The following PRDM16 variants were observed in gnomAD, a reference collection of about 807,000 sequenced individuals.
PRDM16 encodes the protein histone-lysine N-methyltransferase PRDM16.
PRDM16 carries 23 observed loss-of-function variants against 110.6 expected under a neutral mutation model. The ratio of observed to expected loss-of-function variants is 0.21; its 90% CI spans 0.15 to 0.29. PRDM16 has a LOEUF of 0.29. Among genes scored for constraint, PRDM16 ranks in the 10% least tolerant of loss-of-function variants. The probability of loss-of-function intolerance (pLI) is 1.00; values close to 1 mark genes in which losing one functional copy is unlikely to be tolerated. For missense variants in PRDM16, 1,615 were observed against 1,794.3 expected (o/e 0.90, Z 1.81); for synonymous variants, 799 against 781.8 (o/e 1.02, Z -0.37).
chr1:3,278,657 G>A (rs188904889), intron 3 of PRDM16, among the ~76,000 whole-genome samples: 11 of 152,306 alleles, frequency 7.2e-5, no homozygotes, highest in Non-Finnish European at 8.8e-5. Flanking sequence ...CCACAAGGCC[G>A]CCCTCTCTGG....
At chr1:3,392,620 T>G (rs750982121) in intron 4 of PRDM16, among the ~76,000 whole-genome samples, 15 of 152,230 alleles carry the variant, frequency 9.9e-5, no homozygotes, top group Non-Finnish European at 2.2e-4. Context: ...GTGAATTGAT[T>G]TGATATTTTA....
chr1:3,319,209 G>C (rs1047481148), intron 3 of PRDM16, among the ~76,000 whole-genome samples: 1 of 152,210 alleles, frequency 6.6e-6, no homozygotes, highest in African/African-American at 2.4e-5. Context: ...TGCCCGGCAG[G>C]GATGGGGAGC....
Position 3,293,860 on chromosome 1 carries a change from C to T in PRDM16, c.438+49723C>T, listed in dbSNP as rs149528009. 3.2e-4 allele frequency among the ~76,000 whole-genome samples: 48 copies of T among 152,314 alleles called. No homozygotes were observed. The East Asian group carries it at 7.7e-3, about 24-fold the overall frequency. On this transcript the variant is annotated intron_variant, in intron 3 of 16. Coordinates refer to ENST00000270722, the MANE Select transcript of PRDM16 (RefSeq NM_022114.4). ...CCCTTGGAGAGGCGATGGCGTGGCC[C>T]GGCCCCGGCAGGTGTCTGAGGGCCT...
At position 3,300,225 on chromosome 1, in the gene PRDM16, C is replaced by T. The variant is rs192015558; in HGVS notation, c.438+56088C>T. Among the ~76,000 whole-genome samples the T allele has an allele frequency of 5.9e-3, 518 of 87,338 alleles. 136 individuals carry two copies. Among genetic ancestry groups the T allele is most frequent in the Admixed American group, 0.013 (81 of 6,352 alleles). The allele number at this position is 87,338 out of a possible 152,430, so 57.3% of individuals were successfully genotyped here. On this transcript the variant is annotated intron_variant, in intron 3 of 16. Transcript: ENST00000270722. ...TGCTATGCTGTGGCAGTGATGTTTC[C>T]GATCCCAGTCGTGGTGGCTCTGCCC...
Position 3,359,911 on chromosome 1 carries a change from G to T in PRDM16, c.439-25241G>T, listed in dbSNP as rs1310188216. ...CTTGGAAGACGGATGCCGTGTGCAC[G>T]CAAAGACGGCAGCCAGCTCCTCACA... On this transcript the variant is annotated intron_variant, in intron 3 of 16. Transcript: ENST00000270722. The surrounding 1 kb of genome is among the most constrained non-coding windows in gnomAD (Gnocchi z 4.3). Among the ~76,000 whole-genome samples the T allele has an allele frequency of 6.6e-6, 1 of 152,214 alleles. No homozygotes were observed. Among genetic ancestry groups the T allele is most frequent in the African/African-American group, 2.4e-5 (1 of 41,462 alleles).
At chr1:3,132,496 G>A (rs1219957577) in intron 1 of PRDM16, among the ~76,000 whole-genome samples, 1 of 152,164 alleles carries the variant, frequency 6.6e-6, no homozygotes, top group Non-Finnish European at 1.5e-5. Context: ...TCTCACCATG[G>A]GCAGTTCCTC....
chr1:3,134,684 G>A lies in PRDM16; in HGVS notation c.38-51441G>A, dbSNP rs943289570. Among the ~76,000 whole-genome samples the A allele has an allele frequency of 3.3e-5, 5 of 152,266 alleles. No homozygotes were observed. The East Asian group carries it at 7.7e-4, about 23-fold the overall frequency. On this transcript the variant is annotated intron_variant, in intron 1 of 16. Transcript: ENST00000270722. ...TAATTGGTCCAGAAAAGTCAACATC[G>A]GCACCTAGAGTGTTCAGAAAGTGAA... is the stretch of plus-strand genomic sequence containing the variant.
At chr1:3,078,093 T>C (rs1641939948) in intron 1 of PRDM16, among the ~76,000 whole-genome samples, 1 of 152,154 alleles carries the variant, frequency 6.6e-6, no homozygotes, top group Admixed American at 6.5e-5. Flanking sequence ...CTTTTTTTCT[T>C]ATCAGAGGCC....
Position 3,434,501 on chromosome 1 carries a change from C to T in PRDM16, c.*690C>T. The T allele has an allele frequency of 4.3e-6, 1 of 231,628 alleles. No individual in the cohort carries two copies. The highest frequency in any genetic ancestry group is 6.1e-5 in the East Asian group (1 of 16,396). The allele number at this position is 231,628 out of a possible 1,614,324, so 14.3% of individuals were successfully genotyped here. On this transcript the variant is annotated 3_prime_UTR_variant, in exon 17 of 17. Coordinates refer to ENST00000270722, the MANE Select transcript of PRDM16 (RefSeq NM_022114.4). ...CCTATTTGTATAAGCCAAGGTGATG[C>T]TGGGTGCCCCGAGGCAGAACAAGAG...
At position 3,417,891 on chromosome 1, in the gene PRDM16, G is replaced by T. The variant is rs375126788; in HGVS notation, c.2755G>T (p.Gly919Cys). 39 of 1,613,600 alleles carry T rather than the reference G, an allele frequency of 2.4e-5. No homozygotes were observed. The highest frequency in any genetic ancestry group is 3.1e-5 in the Non-Finnish European group (36 of 1,179,880). Residue 919 changes from glycine to cysteine, a missense_variant, in exon 11 of 17, where the codon GGC becomes TGC. Coordinates refer to ENST00000270722, the MANE Select transcript of PRDM16 (RefSeq NM_022114.4). ...CTTTGCAGCCATGAAGGCGGACTCGGGCAGCTCCCTGCAGCCCCTCCCCCA... is the reference window on the plus strand; with the variant it reads ...CTTTGCAGCCATGAAGGCGGACTCGTGCAGCTCCCTGCAGCCCCTCCCCCA... ...ESFAAMKADS[G>C]SSLQPLPHHP...
At chr1:3,221,692 C>T (rs1639153660) in intron 2 of PRDM16, among the ~76,000 whole-genome samples, 1 of 152,214 alleles carries the variant, frequency 6.6e-6, no homozygotes, top group Non-Finnish European at 1.5e-5. Flanking sequence ...ATGTGGGACA[C>T]ACATGGATGC....
intron 2 of PRDM16, among the ~76,000 whole-genome samples, chr1:3,232,084 G>A (rs970011421): frequency 3.9e-5 from 6 of 152,206 alleles, no homozygotes; most frequent in Non-Finnish European, 7.3e-5. Context: ...AGGCAGCTGC[G>A]ACCGACACCC....
At chr1:3,305,442 G>A (rs185864821) in intron 3 of PRDM16, among the ~76,000 whole-genome samples, 7 of 152,276 alleles carry the variant, frequency 4.6e-5, no homozygotes, top group Non-Finnish European at 1.0e-4. Flanking sequence ...CCTAGGGCCC[G>A]ATCCATGGTT....
chr1:3,436,169 G>A lies in PRDM16; in HGVS notation c.*2358G>A, dbSNP rs908840006. 9 of 228,370 alleles carry A rather than the reference G, an allele frequency of 3.9e-5. No individual in the cohort carries two copies. Among genetic ancestry groups the A allele is most frequent in the African/African-American group, 1.6e-4 (7 of 44,506 alleles). The allele number at this position is 228,370 out of a possible 1,614,324, so 14.1% of individuals were successfully genotyped here. A position where few individuals can be genotyped will look rare whatever the true frequency, so the allele number is the denominator to read the frequency against. On this transcript the variant is annotated 3_prime_UTR_variant, in exon 17 of 17. Transcript: ENST00000270722. ...CCATTTCTGTAAACCCAAATTATAT[G>A]GTTTCTTCTGCGAAAGAGTAAGGTG...
intron 11 of PRDM16, 116 bp downstream of exon 11, chr1:3,418,113 G>A: frequency 1.2e-6 from 1 of 850,398 alleles, no homozygotes; most frequent in Non-Finnish European, 1.8e-6. Context: ...GGAAAGCACA[G>A]CACTGCAATC....
intron 8 of PRDM16, among the ~76,000 whole-genome samples, chr1:3,411,051 C>T (rs528549844): frequency 6.7e-6 from 1 of 148,754 alleles, no homozygotes; most frequent in African/African-American, 2.5e-5. Flanking sequence ...GGCGCATGCA[C>T]ACACACATAT....
intron 1 of PRDM16, among the ~76,000 whole-genome samples, chr1:3,141,258 T>G (rs12729276): frequency 0.057 from 8,751 of 152,314 alleles, 347 homozygotes; most frequent in Non-Finnish European, 0.074. Context: ...TGATGAATGC[T>G]TCTATGAAAC....
At chr1:3,179,567 G>T (rs1557505968) in intron 1 of PRDM16, among the ~76,000 whole-genome samples, 1 of 152,242 alleles carries the variant, frequency 6.6e-6, no homozygotes, top group Non-Finnish European at 1.5e-5. Flanking sequence ...GAAACCTGCT[G>T]TGGGGTGGCA....
intron 1 of PRDM16, among the ~76,000 whole-genome samples, chr1:3,073,899 G>T (rs1171526161): frequency 2.6e-5 from 4 of 152,134 alleles, no homozygotes; most frequent in African/African-American, 4.8e-5. Flanking sequence ...GTCCCCAACC[G>T]CCGACCCTCG....
Sources: gnomAD v4.1 joint callset for allele counts (sites outside exome capture counted in the v4.1 genomes callset) on GRCh38, gnomAD v4.1.1 for gene constraint, Gnocchi (gnomAD v3.1) non-coding constraint, MANE v1.5 for transcripts, NCBI Gene and HGNC (gene_info 2026-07-23, HGNC 2026-07-21) for gene names.